The following SUSD1 variants were observed in gnomAD, a reference collection of about 807,000 sequenced individuals.
SUSD1 encodes the protein sushi domain containing 1, also known as sushi domain-containing protein 1.
Under a neutral mutation model 86.9 loss-of-function variants are expected in SUSD1, and 65 were observed. That is an observed-to-expected ratio of 0.75 (90% CI 0.61 to 0.92). The LOEUF is 0.92. SUSD1 is among the 40% of genes least tolerant of loss of function. The pLI is 0.00. For missense variants in SUSD1, 850 were observed against 929.7 expected (o/e 0.91, Z 1.11); for synonymous variants, 346 against 350.0 (o/e 0.99, Z 0.13).
chr9:112,072,140 C>CTTTTT, intron 12 of SUSD1, among the ~76,000 whole-genome samples: 213 of 121,154 alleles, frequency 1.8e-3, no homozygotes, highest in Non-Finnish European at 2.2e-3. Flanking sequence ...CTTTCTTTCT[C>CTTTTT]TTTTTTTTTT....
At chr9:112,108,774 C>CAAAAAAAAAAAAAAAAGAAAA (rs1830954013) in intron 8 of SUSD1, among the ~76,000 whole-genome samples, 1 of 68,606 alleles carries the variant, frequency 1.5e-5, no homozygotes, top group African/African-American at 4.8e-5. Context: ...CTGGGTGTCT[C>CAAAAAAAAAAAAAAAAGAAAA]AAAAAAAAAA....
intron 5 of SUSD1, chr9:112,137,697 G>A (rs898700835): frequency 4.6e-5 from 7 of 152,092 alleles, no homozygotes; most frequent in African/African-American, 1.7e-4. Context: ...CATCACTGGG[G>A]TTTCTTAATT....
intron 12 of SUSD1, among the ~76,000 whole-genome samples, chr9:112,076,460 AACAG>A (rs1201717939): frequency 3.7e-4 from 56 of 152,230 alleles, no homozygotes; most frequent in Admixed American, 3.7e-3. Flanking sequence ...AAATTCCAAT[AACAG>A]ACAGAAAGTA....
chr9:112,174,266 T>G (rs910374560), intron 1 of SUSD1, among the ~76,000 whole-genome samples: 1 of 152,198 alleles, frequency 6.6e-6, no homozygotes, highest in East Asian at 1.9e-4. Flanking sequence ...TATCCAAATA[T>G]GACCAATCAT....
intron 15 of SUSD1, among the ~76,000 whole-genome samples, chr9:112,048,340 C>T (rs1828043600): frequency 6.6e-6 from 1 of 152,078 alleles, no homozygotes; most frequent in African/African-American, 2.4e-5. Flanking sequence ...GAATTCTTCC[C>T]ATCACAACTA....
At chr9:112,059,933 C>A (rs1455978554) in intron 13 of SUSD1, among the ~76,000 whole-genome samples, 1 of 152,116 alleles carries the variant, frequency 6.6e-6, no homozygotes, top group Non-Finnish European at 1.5e-5. Flanking sequence ...GAAATGATAG[C>A]TCCCCAACCC....
chr9:112,071,963 A>G (rs1829287900), intron 12 of SUSD1, among the ~76,000 whole-genome samples: 3 of 152,200 alleles, frequency 2.0e-5, no homozygotes, highest in African/African-American at 7.2e-5. Context: ...CTCCATCAAT[A>G]AAGTTATGAG....
intron 1 of SUSD1, chr9:112,173,819 C>G (rs1453161942): frequency 3.6e-6 from 1 of 274,502 alleles, no homozygotes. Flanking sequence ...TTAGGCCCCT[C>G]TTATTGTGCT....
chr9:112,086,184 G>T (rs888671284), intron 10 of SUSD1, among the ~76,000 whole-genome samples: 1 of 151,322 alleles, frequency 6.6e-6, no homozygotes, highest in African/African-American at 2.4e-5. Context: ...TGAGCATGGT[G>T]GCGGGAGCCT....
intron 6 of SUSD1, among the ~76,000 whole-genome samples, chr9:112,117,790 G>A (rs915655132): frequency 1.6e-4 from 25 of 152,156 alleles, no homozygotes; most frequent in African/African-American, 5.8e-4. Context: ...TGGTTGAACT[G>A]GTTGAATGGA....
chr9:112,069,257 G>C (rs1010216034), intron 12 of SUSD1, among the ~76,000 whole-genome samples: 2 of 152,060 alleles, frequency 1.3e-5, no homozygotes, highest in African/African-American at 4.8e-5. Flanking sequence ...GAGTCTCTTA[G>C]ACACTGCAAT....
At chr9:112,149,055 A>G (rs1340182944) in intron 3 of SUSD1, among the ~76,000 whole-genome samples, 189 bp downstream of exon 3, 1 of 152,168 alleles carries the variant, frequency 6.6e-6, no homozygotes, top group Non-Finnish European at 1.5e-5. Context: ...ACTATTATAG[A>G]TACATCATCA....
chr9:112,106,538 A>T (rs905013775), intron 8 of SUSD1, among the ~76,000 whole-genome samples: 4 of 152,032 alleles, frequency 2.6e-5, no homozygotes, highest in Admixed American at 6.6e-5. Flanking sequence ...GAAATAATAG[A>T]GAACGTGGTT....
At chr9:112,091,907 T>G (rs1007277850) in intron 10 of SUSD1, among the ~76,000 whole-genome samples, 1 of 152,182 alleles carries the variant, frequency 6.6e-6, no homozygotes, top group Non-Finnish European at 1.5e-5. Flanking sequence ...TGTGACTATA[T>G]TACAAGGAGA....
At chr9:112,082,302 C>T (rs1019802910) in intron 10 of SUSD1, among the ~76,000 whole-genome samples, 1 of 152,152 alleles carries the variant, frequency 6.6e-6, no homozygotes, top group African/African-American at 2.4e-5. Context: ...GACCCCCACC[C>T]GCCACCAGCA....
At position 112,057,608 on chromosome 9, in the gene SUSD1, A is replaced by G. The variant is rs140504387; in HGVS notation, c.2109+820T>C. Among the ~76,000 whole-genome samples the G allele has an allele frequency of 1.1e-3, 164 of 152,370 alleles. 1 individual carries two copies. Among genetic ancestry groups the G allele is most frequent in the African/African-American group, 3.7e-3 (154 of 41,592 alleles). On this transcript the variant is annotated intron_variant, in intron 14 of 16. Transcript: ENST00000374270. ...TTGATACTTGAACATTCTTACAAGT[A>G]ACTATTGGTTTCATAGCAAGCATGT...
In SUSD1 at chr9:112,175,137, G is replaced by T. The variant is rs1589769016; in HGVS notation, c.99C>A (p.Pro33=). ...LARGAAGAPG[P]DGLDVCATCH... is the part of the protein sequence containing the mutation. Reference sequence around the variant, plus strand: ...CCCGTCCCAGCCCGCACTCACCGTCGGGGCCCGGCGCTCCCGCGGCGCCGC... The same window carrying T: ...CCCGTCCCAGCCCGCACTCACCGTCTGGGCCCGGCGCTCCCGCGGCGCCGC... The change falls in exon 1 of 17, where the codon CCC becomes CCA. Residue 33 remains proline (P), a synonymous_variant. Transcript: ENST00000374270. The surrounding 1 kb of genome is among the most constrained non-coding windows in gnomAD (Gnocchi z 4.7). The T allele has an allele frequency of 9.5e-7, 1 of 1,054,134 alleles. No individual in the cohort carries two copies. Among genetic ancestry groups the T allele is most frequent in the Non-Finnish European group, 1.1e-6 (1 of 877,384 alleles). The allele number at this position is 1,054,134 out of a possible 1,614,324, so 65.3% of individuals were successfully genotyped here.
intron 10 of SUSD1, among the ~76,000 whole-genome samples, chr9:112,080,690 GAAAAAA>G (rs56022766): frequency 8.2e-6 from 1 of 122,172 alleles, no homozygotes; most frequent in Non-Finnish European, 1.7e-5. Context: ...TCTGTCTCAA[GAAAAAA>G]AAAAAAAAGA....
intron 1 of SUSD1, among the ~76,000 whole-genome samples, chr9:112,171,142 A>G (rs1175518294): frequency 6.6e-6 from 1 of 152,144 alleles, no homozygotes; most frequent in African/African-American, 2.4e-5. Flanking sequence ...CCCAATTCCA[A>G]CTTGGGACTA....
Sources: gnomAD v4.1 joint callset for allele counts (sites outside exome capture counted in the v4.1 genomes callset) on GRCh38, gnomAD v4.1.1 for gene constraint, Gnocchi (gnomAD v3.1) non-coding constraint, MANE v1.5 for transcripts, NCBI Gene and HGNC (gene_info 2026-07-23, HGNC 2026-07-21) for gene names.